The following PYHIN1 variants were observed in gnomAD, a reference collection of about 807,000 sequenced individuals.
PYHIN1 encodes the protein pyrin and HIN domain family member 1.
In PYHIN1, 32 loss-of-function variants were observed where a neutral mutation model predicts 43.7. The ratio of observed to expected loss-of-function variants is 0.73; its 90% CI spans 0.55 to 0.98. PYHIN1 has a LOEUF of 0.98. Ranked by LOEUF, PYHIN1 falls within the 50% of genes least tolerant of loss-of-function variation. The pLI, the probability that PYHIN1 is intolerant of heterozygous loss-of-function variation, is 0.00. For missense variants in PYHIN1, 588 were observed against 589.5 expected (o/e 1.00, Z 0.03); for synonymous variants, 205 against 203.1 (o/e 1.01, Z -0.08).
At position 158,939,085 on chromosome 1, in the gene PYHIN1, A is replaced by T; in HGVS notation, c.417A>T (p.Arg139Ser). 6.3e-7 allele frequency: 1 copy of T among 1,579,400 alleles called. No homozygotes were observed. The highest frequency in any genetic ancestry group is 8.6e-7 in the Non-Finnish European group (1 of 1,169,322). Residue 139 changes from arginine (R) to serine (S), a missense_variant, in exon 4 of 9, where the codon AGA (arginine) becomes AGT (serine). By Grantham distance (110) the Arg-to-Ser change is moderately radical. Coordinates refer to ENST00000368140, the MANE Select transcript of PYHIN1 (RefSeq NM_152501.5). Reference sequence around the variant, plus strand: ...GAAAAATAAACTACTTGTAGAAAAGAAAAAAACCATCTGAAGAAGAGACTG... The same window carrying T: ...GAAAAATAAACTACTTGTAGAAAAGTAAAAAACCATCTGAAGAAGAGACTG... ...GAEETLGPQK[R>S]KKPSEEETGT...
intron 7 of PYHIN1, among the ~76,000 whole-genome samples, chr1:158,958,319 C>T (rs1650092047): frequency 7.0e-6 from 1 of 143,666 alleles, no homozygotes. Context: ...ATGTTTATTG[C>T]GGCATTATTC....
downstream of PYHIN1, among the ~76,000 whole-genome samples, chr1:158,978,971 C>T (rs1352499400): frequency 2.6e-5 from 4 of 152,088 alleles, no homozygotes; most frequent in Non-Finnish European, 4.4e-5. Context: ...TCTAACCTAC[C>T]CTCATAGACA....
downstream of PYHIN1, among the ~76,000 whole-genome samples, chr1:158,979,607 T>G (rs1651419672): frequency 1.3e-5 from 2 of 152,226 alleles, no homozygotes; most frequent in Admixed American, 1.3e-4. Context: ...ACATCTTGTC[T>G]ATTTTGAATA....
the PYHIN1 span, among the ~76,000 whole-genome samples, chr1:158,982,562 T>A: frequency 2.6e-5 from 4 of 152,084 alleles, no homozygotes; most frequent in African/African-American, 9.7e-5. Flanking sequence ...ATAGTTTGAA[T>A]TTGGATAGTG....
chr1:158,944,420 C>T (rs1440102096), intron 6 of PYHIN1, among the ~76,000 whole-genome samples: 1 of 152,112 alleles, frequency 6.6e-6, no homozygotes, highest in Non-Finnish European at 1.5e-5. Flanking sequence ...TTGTGACAAA[C>T]CAGTATGCAC....
downstream of PYHIN1, among the ~76,000 whole-genome samples, chr1:158,977,230 G>GGCA (rs1256087109): frequency 1.3e-5 from 2 of 151,924 alleles, no homozygotes; most frequent in African/African-American, 4.8e-5. Flanking sequence ...CAGACCAAGG[G>GGCA]GCAGGTAGGG....
the PYHIN1 span, among the ~76,000 whole-genome samples, chr1:158,987,120 G>A: frequency 6.6e-6 from 1 of 152,140 alleles, no homozygotes; most frequent in South Asian, 2.1e-4. Context: ...ACAGTTGTGA[G>A]GTGATGGGAT....
At position 158,976,705 on chromosome 1, in the gene PYHIN1, C is replaced by A. The variant is rs143578260; in HGVS notation, c.*10C>A. On this transcript the variant is annotated 3_prime_UTR_variant, in exon 9 of 9. Transcript: ENST00000368140. The stretch of plus-strand genomic sequence containing the variant: ...TTTATCTCTTTATGCTTCAAGGTCA[C>A]CAAGGACAAGGATATCAAATAACTA... The A allele has an allele frequency of 6.3e-7, 1 of 1,593,330 alleles. No homozygotes were observed. The highest frequency in any genetic ancestry group is 8.6e-7 in the Non-Finnish European group (1 of 1,169,310).
intron 7 of PYHIN1, among the ~76,000 whole-genome samples, chr1:158,963,132 T>C (rs991239756): frequency 6.6e-6 from 1 of 152,168 alleles, no homozygotes; most frequent in Non-Finnish European, 1.5e-5. Flanking sequence ...TGCATCTCTC[T>C]GAGGTGCAGC....
In PYHIN1 at chr1:158,976,915, T is replaced by TATATATATATAC. The variant is rs1289638954; in HGVS notation, c.*221_*222insTATATATATACA. 1.4e-5 allele frequency: 3 copies of TATATATATATAC among 214,984 alleles called. No homozygotes were observed. The highest frequency in any genetic ancestry group is 8.5e-5 in the African/African-American group (3 of 35,450). The allele number at this position is 214,984 out of a possible 1,614,324, so 13.3% of individuals were successfully genotyped here. On this transcript the variant is annotated 3_prime_UTR_variant, in exon 9 of 9. Coordinates refer to ENST00000368140, the MANE Select transcript of PYHIN1 (RefSeq NM_152501.5). ...ATATATATATATATATATATATATA[T>TATATATATATAC]ACCAGCTATTAATTCTAGGAAATGG...
intron 4 of PYHIN1, among the ~76,000 whole-genome samples, chr1:158,940,619 C>A (rs1231275561): frequency 6.6e-6 from 1 of 152,118 alleles, no homozygotes; most frequent in Admixed American, 6.5e-5. Flanking sequence ...TTCTATATTT[C>A]TGATACACAA....
At chr1:158,963,361 C>T (rs1004140900) in intron 7 of PYHIN1, among the ~76,000 whole-genome samples, 1 of 152,178 alleles carries the variant, frequency 6.6e-6, no homozygotes, top group African/African-American at 2.4e-5. Context: ...TGGCTGATAG[C>T]AGCTCCTCGT....
chr1:158,942,125 T>C lies in PYHIN1; in HGVS notation c.728T>C (p.Val243Ala), dbSNP rs775970114. 34 of 1,614,020 alleles carry C rather than the reference T, an allele frequency of 2.1e-5. No homozygotes were observed. Among genetic ancestry groups the C allele is most frequent in the Non-Finnish European group, 2.7e-5 (32 of 1,179,998 alleles). The change falls in exon 5 of 9, where the codon GTG becomes GCG. Residue 243 changes from valine to alanine, a missense_variant. Physicochemically the swap from Val to Ala is moderately conservative, Grantham distance 64. Coordinates refer to ENST00000368140, the MANE Select transcript of PYHIN1 (RefSeq NM_152501.5). ...NEQRRMFHAT[V>A]ATQTQFFHVK... is the part of the protein sequence containing the mutation. ...CAAAGAAGAATGTTTCATGCTACAGTGGCTACGCAGACACAGTTCTTTCAT... is the reference window on the plus strand; with the variant it reads ...CAAAGAAGAATGTTTCATGCTACAGCGGCTACGCAGACACAGTTCTTTCAT...
At chr1:158,953,129 C>T (rs1023388005) in intron 7 of PYHIN1, among the ~76,000 whole-genome samples, 2 of 152,154 alleles carry the variant, frequency 1.3e-5, no homozygotes, top group African/African-American at 4.8e-5. Flanking sequence ...TGATTGCTAG[C>T]ACAGCAGTCT....
chr1:158,990,294 G>A, the PYHIN1 span, among the ~76,000 whole-genome samples: 22 of 152,140 alleles, frequency 1.4e-4, no homozygotes, highest in African/African-American at 4.8e-4. Flanking sequence ...CTGTCTAGGG[G>A]TAGAATGAGC....
chr1:158,957,613 A>T (rs1428575850), intron 7 of PYHIN1, among the ~76,000 whole-genome samples: 1 of 146,740 alleles, frequency 6.8e-6, no homozygotes, highest in Non-Finnish European at 1.5e-5. Flanking sequence ...TTCAAGATGG[A>T]TTAAAGACTT....
chr1:158,944,032 T>C, intron 6 of PYHIN1, 54 bp downstream of exon 6: 2 of 1,468,268 alleles, frequency 1.4e-6, no homozygotes, highest in Non-Finnish European at 1.8e-6. Flanking sequence ...TCATTTGCTT[T>C]AAGTTTTAGG....
chr1:158,939,169 C>T lies in PYHIN1; in HGVS notation c.501C>T (p.Ala167=), dbSNP rs116779272. The change falls in exon 4 of 9, where the codon GCC becomes GCT. Residue 167 remains alanine (A), a synonymous_variant. Transcript: ENST00000368140. ...EQTRPSCSAG[A]STSTAMGRSP... ...CTCGGCCTTCCTGCTCTGCAGGAGC[C>T]AGCACGTCCACAGCCATGGGCCGTT... 3.0e-4 allele frequency: 478 copies of T among 1,613,996 alleles called. 3 individuals carry two copies. In the African/African-American group the frequency reaches 6.0e-3, roughly 20 times the overall value.
At chr1:158,932,803 C>G (rs1358708413) in intron 1 of PYHIN1, among the ~76,000 whole-genome samples, 3 of 152,060 alleles carry the variant, frequency 2.0e-5, no homozygotes, top group Non-Finnish European at 4.4e-5. Context: ...ACTTCCTGCC[C>G]TCCTGAAAGT....
Sources: gnomAD v4.1 joint callset for allele counts (sites outside exome capture counted in the v4.1 genomes callset) on GRCh38, gnomAD v4.1.1 for gene constraint, MANE v1.5 for transcripts, NCBI Gene and HGNC (gene_info 2026-07-23, HGNC 2026-07-21) for gene names.